Variants in SNTG1 observed in about 807,000 individuals in gnomAD.
The protein encoded by SNTG1 is syntrophin gamma 1, also known as gamma-1-syntrophin.
SNTG1 carries 39 observed loss-of-function variants against 74.7 expected under a neutral mutation model. That is an observed-to-expected ratio of 0.52 (90% CI 0.40 to 0.68). The LOEUF (loss-of-function observed/expected upper bound fraction) is 0.68. Among genes scored for constraint, SNTG1 ranks in the 30% least tolerant of loss-of-function variants. SNTG1 has a pLI of 0.00. For missense variants in SNTG1, 685 were observed against 609.5 expected, an observed-to-expected ratio of 1.12 and a Z score of -1.30; for synonymous variants, 254 against 217.1, an observed-to-expected ratio of 1.17 and a Z score of -1.49.
intron 1 of SNTG1, among the ~76,000 whole-genome samples, chr8:50,112,497 A>C (rs1051648344): frequency 6.7e-6 from 1 of 149,622 alleles, no homozygotes; most frequent in Non-Finnish European, 1.5e-5. Flanking sequence ...TGCAGCATAC[A>C]CAAGTATTTA....
chr8:50,055,797 T>C (rs572601126), intron 1 of SNTG1, among the ~76,000 whole-genome samples: 4 of 152,266 alleles, frequency 2.6e-5, no homozygotes, highest in South Asian at 2.1e-4. Flanking sequence ...AAACAAGTCA[T>C]TTGCATTACT....
intron 10 of SNTG1, 36 bp downstream of exon 10, chr8:50,530,295 A>G (rs1585589651): frequency 6.3e-7 from 1 of 1,587,186 alleles, no homozygotes; most frequent in Non-Finnish European, 8.7e-7. Flanking sequence ...ATTAATAAGG[A>G]GATAACACAT....
chr8:50,651,347 A>C (rs2095144457), intron 13 of SNTG1, among the ~76,000 whole-genome samples: 3 of 152,266 alleles, frequency 2.0e-5, no homozygotes, highest in South Asian at 2.1e-4. Context: ...GACTTAAAAA[A>C]ATGCATATAT....
chr8:50,774,857 ATTGACGTT>A (rs1563826301), intron 18 of SNTG1, among the ~76,000 whole-genome samples: 13 of 151,544 alleles, frequency 8.6e-5, no homozygotes, highest in African/African-American at 2.4e-4. Context: ...TTTGAGCACT[ATTGACGTT>A]GTCATTGTTC....
At chr8:50,065,362 C>T (rs571935922) in intron 1 of SNTG1, among the ~76,000 whole-genome samples, 1 of 151,948 alleles carries the variant, frequency 6.6e-6, no homozygotes, top group African/African-American at 2.4e-5. Flanking sequence ...TTTTACATAA[C>T]AAATATCCTG....
At chr8:50,726,205 G>A (rs1431225619) in intron 17 of SNTG1, among the ~76,000 whole-genome samples, 3 of 152,062 alleles carry the variant, frequency 2.0e-5, no homozygotes, top group Non-Finnish European at 4.4e-5. Context: ...TCATAACAAA[G>A]TCATTCATAA....
intron 1 of SNTG1, among the ~76,000 whole-genome samples, chr8:50,082,577 G>T (rs537042476): frequency 1.3e-5 from 2 of 152,020 alleles, no homozygotes; most frequent in Admixed American, 6.6e-5. Context: ...TCTTAAGAGC[G>T]GTAAAAGAAT....
chr8:50,464,480 G>T (rs1376388879), intron 8 of SNTG1, among the ~76,000 whole-genome samples: 2 of 152,118 alleles, frequency 1.3e-5, no homozygotes, highest in Non-Finnish European at 2.9e-5. Context: ...GGAGTAGGAA[G>T]GCCTGCAGAG....
chr8:50,006,161 T>C (rs1368072544), intron 1 of SNTG1, among the ~76,000 whole-genome samples: 1 of 151,778 alleles, frequency 6.6e-6, no homozygotes, highest in East Asian at 1.9e-4. Flanking sequence ...CGGGGTTTCA[T>C]CGTGTTGGCC....
intron 18 of SNTG1, among the ~76,000 whole-genome samples, chr8:50,754,788 G>T (rs980671285): frequency 2.6e-5 from 4 of 151,590 alleles, no homozygotes; most frequent in Non-Finnish European, 5.9e-5. Flanking sequence ...TCTAATATAG[G>T]ATTTAGTTCT....
chr8:50,705,676 C>T (rs1175183280), intron 16 of SNTG1, among the ~76,000 whole-genome samples: 1 of 152,008 alleles, frequency 6.6e-6, no homozygotes, highest in Non-Finnish European at 1.5e-5. Flanking sequence ...TATCATGTGC[C>T]AACCAAAGTC....
chr8:50,697,882 G>A (rs955649578), intron 15 of SNTG1, among the ~76,000 whole-genome samples: 2 of 152,242 alleles, frequency 1.3e-5, no homozygotes, highest in African/African-American at 2.4e-5. Context: ...AGGGATATAG[G>A]TCTGTAGTTT....
intron 1 of SNTG1, among the ~76,000 whole-genome samples, chr8:50,120,725 A>G (rs2131354084): frequency 7.0e-6 from 1 of 142,426 alleles, no homozygotes; most frequent in African/African-American, 2.5e-5. Flanking sequence ...TCCTGAACCC[A>G]CAATTTTTAG....
At chr8:50,627,624 C>A (rs976302284) in intron 13 of SNTG1, among the ~76,000 whole-genome samples, 1 of 152,202 alleles carries the variant, frequency 6.6e-6, no homozygotes, top group African/African-American at 2.4e-5. Context: ...TGGCTATAAA[C>A]CAGGGTTCCC....
At chr8:50,115,580 A>AC (rs1163378684) in intron 1 of SNTG1, among the ~76,000 whole-genome samples, 3 of 148,388 alleles carry the variant, frequency 2.0e-5, no homozygotes, top group Non-Finnish European at 4.5e-5. Flanking sequence ...AAAAAAAAAA[A>AC]AAAAAAACGA....
chr8:50,065,814 C>A lies in SNTG1; in HGVS notation c.-102-106747C>A, dbSNP rs544996294. Among the ~76,000 whole-genome samples, 6 of 152,246 alleles carry A rather than the reference C, an allele frequency of 3.9e-5. No homozygotes were observed. The South Asian group carries it at 1.2e-3, about 32-fold the overall frequency. On this transcript the variant is annotated intron_variant, in intron 1 of 18. Transcript: ENST00000642720. Reference sequence around the variant, plus strand: ...TGAAGTATATACATACAACATAAATCCACTACCTTCCTAATTTACTCAAGG... The same window carrying A: ...TGAAGTATATACATACAACATAAATACACTACCTTCCTAATTTACTCAAGG...
intron 2 of SNTG1, among the ~76,000 whole-genome samples, chr8:50,246,727 T>A (rs1451124433): frequency 6.6e-6 from 1 of 152,112 alleles, no homozygotes; most frequent in Non-Finnish European, 1.5e-5. Context: ...CTCAAATCAC[T>A]CTCATGGTAG....
chr8:50,444,614 G>A (rs1459311694), intron 5 of SNTG1, among the ~76,000 whole-genome samples: 2 of 152,006 alleles, frequency 1.3e-5, no homozygotes, highest in South Asian at 4.2e-4. Context: ...TCCAGGCGTG[G>A]TGGCACACAC....
At chr8:50,608,325 A>T (rs918294742) in intron 13 of SNTG1, among the ~76,000 whole-genome samples, 5 of 151,146 alleles carry the variant, frequency 3.3e-5, no homozygotes, top group African/African-American at 9.7e-5. Flanking sequence ...TCATTTAAAA[A>T]TTTTTTTTCT....
Sources: allele counts gnomAD v4.1 joint callset (sites outside exome capture counted in the v4.1 genomes callset), GRCh38; gene constraint gnomAD v4.1.1; transcripts MANE v1.5; gene names NCBI Gene and HGNC (gene_info 2026-07-23, HGNC 2026-07-21).